Variants in ITPR1 observed in about 807,000 individuals in gnomAD.
ITPR1 encodes the protein inositol 1,4,5-trisphosphate receptor type 1.
ITPR1 carries 96 observed loss-of-function variants against 318.4 expected under a neutral mutation model. That is an observed-to-expected ratio of 0.30 (90% CI 0.26 to 0.36). ITPR1 has a LOEUF of 0.36. ITPR1 is among the 10% of genes least tolerant of loss of function. The pLI is 1.00. For missense variants in ITPR1, 2,440 were observed against 3,460.2 expected (o/e 0.71, Z 7.40); for synonymous variants, 1,312 against 1,289.9 (o/e 1.02, Z -0.37).
At chr3:4,837,896 C>G (rs183040798) in intron 61 of ITPR1, among the ~76,000 whole-genome samples, 3 of 152,204 alleles carry the variant, frequency 2.0e-5, no homozygotes, top group South Asian at 4.2e-4. Flanking sequence ...TCTGAAAGCT[C>G]TTTAATCAAC....
At chr3:4,590,949 C>T (rs2090349349) in intron 4 of ITPR1, among the ~76,000 whole-genome samples, 1 of 152,164 alleles carries the variant, frequency 6.6e-6, no homozygotes, top group South Asian at 2.1e-4. Flanking sequence ...TATCATTTAG[C>T]TCCCACTTAT....
chr3:4,535,585 G>A (rs1575446770), intron 4 of ITPR1, among the ~76,000 whole-genome samples: 1 of 151,386 alleles, frequency 6.6e-6, no homozygotes, highest in East Asian at 1.9e-4. Flanking sequence ...TGGGACTACA[G>A]GTGCCTGCCA....
rs534782311 is a variant in ITPR1, at chr3:4,792,313, A to G, written c.6809-2752A>G. 2.6e-5 allele frequency among the ~76,000 whole-genome samples: 4 copies of G among 152,360 alleles called. No homozygotes were observed. In the South Asian group the frequency reaches 8.3e-4, roughly 32 times the overall value. ...ACAAGTTCTAATGATTCACATGTCA[A>G]CATGTTGGAGGGGGGCACGTTATTT... On this transcript the variant is annotated intron_variant, in intron 52 of 61. Transcript: ENST00000649015.
chr3:4,789,128 C>T (rs565001401), intron 52 of ITPR1, among the ~76,000 whole-genome samples: 72 of 152,326 alleles, frequency 4.7e-4, no homozygotes, highest in African/African-American at 1.5e-3. Flanking sequence ...CTTCCAGCCC[C>T]GCTGTACTCT....
chr3:4,758,400 G>A (rs533781443), intron 44 of ITPR1, among the ~76,000 whole-genome samples: 4 of 152,256 alleles, frequency 2.6e-5, no homozygotes, highest in African/African-American at 2.4e-5. Context: ...TATGCTCCCC[G>A]CCACTGCCCT....
At chr3:4,684,991 T>C (rs2094366068) in intron 29 of ITPR1, 78 bp from the exon 30 acceptor site, 3 of 1,459,470 alleles carry the variant, frequency 2.1e-6, no homozygotes, top group Non-Finnish European at 2.8e-6. Flanking sequence ...TTTGCCTCCC[T>C]GCCCGCCACC....
intron 35 of ITPR1, among the ~76,000 whole-genome samples, chr3:4,701,057 C>G (rs1170161502): frequency 5.9e-5 from 9 of 152,190 alleles, no homozygotes; most frequent in Non-Finnish European, 8.8e-5. Flanking sequence ...GGGACACAGT[C>G]AAATCATATC....
intron 18 of ITPR1, 32 bp from the exon 19 acceptor site, chr3:4,669,622 A>G: frequency 6.3e-7 from 1 of 1,587,380 alleles, no homozygotes; most frequent in Non-Finnish European, 8.6e-7. Flanking sequence ...TGCTCTATCT[A>G]CAGAAAATGT....
intron 18 of ITPR1, among the ~76,000 whole-genome samples, chr3:4,667,974 C>T (rs1211578101): frequency 1.3e-5 from 2 of 151,996 alleles, no homozygotes; most frequent in Admixed American, 6.6e-5. Flanking sequence ...TTATGGGGTA[C>T]ATGAGATGTT....
intron 44 of ITPR1, among the ~76,000 whole-genome samples, chr3:4,736,035 A>G (rs544156541): frequency 6.6e-6 from 1 of 152,348 alleles, no homozygotes; most frequent in African/African-American, 2.4e-5. Context: ...ATCTTAGAAC[A>G]TGAATTTTAA....
At chr3:4,603,725 C>G (rs540405470) in intron 4 of ITPR1, among the ~76,000 whole-genome samples, 1 of 152,290 alleles carries the variant, frequency 6.6e-6, no homozygotes, top group African/African-American at 2.4e-5. Context: ...ACCACATTTT[C>G]TTTCACCAGT....
intron 44 of ITPR1, among the ~76,000 whole-genome samples, chr3:4,738,581 G>C (rs1051107110): frequency 7.2e-5 from 11 of 152,348 alleles, no homozygotes; most frequent in African/African-American, 2.4e-4. Flanking sequence ...GTGGCTGGTG[G>C]GGCTGAGGGC....
intron 5 of ITPR1, among the ~76,000 whole-genome samples, chr3:4,632,447 C>A (rs899913369): frequency 4.6e-5 from 7 of 152,086 alleles, no homozygotes; most frequent in African/African-American, 1.7e-4. Context: ...AGTGGAGAGT[C>A]CCATGGGTGG....
chr3:4,507,822 C>G (rs1559357115), intron 2 of ITPR1, among the ~76,000 whole-genome samples: 1 of 152,140 alleles, frequency 6.6e-6, no homozygotes, highest in African/African-American at 2.4e-5. Context: ...GCTTATTGCT[C>G]TTAGGTTCTG....
chr3:4,628,657 G>A (rs150033655), intron 5 of ITPR1, among the ~76,000 whole-genome samples: 1 of 152,248 alleles, frequency 6.6e-6, no homozygotes, highest in Non-Finnish European at 1.5e-5. Flanking sequence ...TCTTTCTAAT[G>A]TATTTTGGTT....
chr3:4,601,090 G>C (rs1334621270), intron 4 of ITPR1, among the ~76,000 whole-genome samples: 1 of 151,286 alleles, frequency 6.6e-6, no homozygotes, highest in Non-Finnish European at 1.5e-5. Context: ...TCACCTGTTA[G>C]ATGTAAAGGG....
chr3:4,766,795 G>A, intron 45 of ITPR1, 85 bp downstream of exon 45: 1 of 1,092,054 alleles, frequency 9.2e-7, no homozygotes, highest in Non-Finnish European at 1.3e-6. Flanking sequence ...TTACTTCTGT[G>A]CTCTAAAATG....
In ITPR1 at chr3:4,725,676, G is replaced by C. The variant is rs1270038098; in HGVS notation, c.5172+95G>C. 7.9e-5 allele frequency: 87 copies of C among 1,100,244 alleles called. No homozygotes were observed. The South Asian group carries it at 9.6e-4, about 12-fold the overall frequency. 68.2% of individuals were successfully genotyped at this position (1,100,244 alleles called of 1,614,324 possible). The stretch of plus-strand genomic sequence containing the variant: ...GGTGTCTGAATTGTTGTAACAAAAA[G>C]TCTCTCCCGGTGGTAGATGTAGGAG... On this transcript the variant is annotated intron_variant, in intron 41 of 61. Transcript: ENST00000649015.
intron 4 of ITPR1, among the ~76,000 whole-genome samples, chr3:4,542,725 A>G (rs959106429): frequency 6.6e-5 from 10 of 151,952 alleles, no homozygotes; most frequent in Admixed American, 4.6e-4. Flanking sequence ...CTCTTAGAAA[A>G]CTTTTGATCT....
Sources: allele counts gnomAD v4.1 joint callset (sites outside exome capture counted in the v4.1 genomes callset), GRCh38; gene constraint gnomAD v4.1.1; transcripts MANE v1.5; gene names NCBI Gene and HGNC (gene_info 2026-07-23, HGNC 2026-07-21).